Variants in SEL1L observed in about 807,000 individuals in gnomAD.
The protein encoded by SEL1L is SEL1L adaptor subunit of SYVN1 ubiquitin ligase, also known as protein sel-1 homolog 1.
In SEL1L, 52 loss-of-function variants were observed where a neutral mutation model predicts 109.8. The observed-to-expected ratio is 0.47, with a 90% CI of 0.38 to 0.60. The LOEUF (loss-of-function observed/expected upper bound fraction) is 0.60. Among genes scored for constraint, SEL1L ranks in the 20% least tolerant of loss-of-function variants. The pLI, the probability that SEL1L is intolerant of heterozygous loss-of-function variation, is 0.00. For missense variants in SEL1L, 749 were observed against 962.2 expected (o/e 0.78, Z 2.93); for synonymous variants, 373 against 339.6 (o/e 1.10, Z -1.08).
At chr14:81,531,532 A>G (rs1296150563) in intron 1 of SEL1L, among the ~76,000 whole-genome samples, 4 of 152,110 alleles carry the variant, frequency 2.6e-5, no homozygotes, top group Non-Finnish European at 5.9e-5. Context: ...AATTTACACA[A>G]CTTTATTTAA....
intron 3 of SEL1L, among the ~76,000 whole-genome samples, chr14:81,513,492 C>T (rs571947710): frequency 3.9e-5 from 6 of 152,164 alleles, no homozygotes; most frequent in Non-Finnish European, 5.9e-5. Context: ...ACACTCACCG[C>T]GAGAGTCCGT....
At chr14:81,531,866 T>A (rs1012222475) in intron 1 of SEL1L, among the ~76,000 whole-genome samples, 2 of 152,212 alleles carry the variant, frequency 1.3e-5, no homozygotes, top group African/African-American at 4.8e-5. Flanking sequence ...ATGAACTTCA[T>A]GTGAGCACAG....
intron 20 of SEL1L, among the ~76,000 whole-genome samples, chr14:81,478,551 A>G (rs1301234820): frequency 6.6e-6 from 1 of 152,234 alleles, no homozygotes. Flanking sequence ...AAAGAGAAAG[A>G]GGAGGCTGCC....
intron 18 of SEL1L, 128 bp from the exon 19 acceptor site, chr14:81,484,525 G>A: frequency 1.2e-6 from 1 of 854,118 alleles, no homozygotes; most frequent in South Asian, 2.1e-5. Flanking sequence ...CACAAACTTT[G>A]TAACAAATCC....
chr14:81,520,985 G>T (rs1289857758), intron 3 of SEL1L, among the ~76,000 whole-genome samples: 1 of 152,102 alleles, frequency 6.6e-6, no homozygotes, highest in Non-Finnish European at 1.5e-5. Flanking sequence ...CCCGAGAGCA[G>T]CTCTGGCAGT....
intron 6 of SEL1L, 90 bp downstream of exon 6, chr14:81,502,631 T>C: frequency 7.7e-7 from 1 of 1,297,676 alleles, no homozygotes; most frequent in Non-Finnish European, 1.0e-6. Context: ...AGTCTGACTT[T>C]TTAAAAGAAG....
intron 1 of SEL1L, 70 bp from the exon 2 acceptor site, chr14:81,527,808 A>G (rs1885170743): frequency 9.6e-7 from 1 of 1,041,078 alleles, no homozygotes; most frequent in Non-Finnish European, 1.5e-6. Context: ...AAAAGAAAAC[A>G]TGTGAAAAGT....
chr14:81,498,254 A>C (rs1289089915), intron 9 of SEL1L, 159 bp downstream of exon 9: 1 of 823,478 alleles, frequency 1.2e-6, no homozygotes, highest in Non-Finnish European at 1.8e-6. Context: ...GCAAAATTAT[A>C]TAAAGAAAAA....
intron 8 of SEL1L, 108 bp from the exon 9 acceptor site, chr14:81,498,602 C>G (rs914832637): frequency 1.3e-6 from 1 of 753,888 alleles, no homozygotes; most frequent in Admixed American, 2.5e-5. Context: ...TCATTTGATC[C>G]AAGTACACTA....
rs140925190 is a variant in SEL1L at position 81,528,348 on chromosome 14, A to G, written c.71-610T>C. ...CATGGTCCTATCATATATTCACTCA[A>G]TTGAGAGCTATGTAGTAAGAAATCA... On this transcript the variant is annotated intron_variant, in intron 1 of 20. Transcript: ENST00000336735. 2.4e-3 allele frequency among the ~76,000 whole-genome samples: 368 copies of G among 152,294 alleles called. 1 individual carries two copies. Among genetic ancestry groups the G allele is most frequent in the African/African-American group, 8.5e-3 (352 of 41,576 alleles).
chr14:81,501,980 C>T (rs1377499104), intron 6 of SEL1L, among the ~76,000 whole-genome samples: 2 of 150,826 alleles, frequency 1.3e-5, no homozygotes, highest in African/African-American at 2.4e-5. Context: ...CTAATATAGA[C>T]AAAAAAGGCA....
chr14:81,493,839 C>A (rs1356880104), intron 11 of SEL1L, among the ~76,000 whole-genome samples: 2 of 152,232 alleles, frequency 1.3e-5, no homozygotes, highest in African/African-American at 4.8e-5. Flanking sequence ...TCCTTCTCGA[C>A]AGACTCTTAG....
At chr14:81,481,821 A>G (rs1164672028) in intron 19 of SEL1L, among the ~76,000 whole-genome samples, 2 of 152,154 alleles carry the variant, frequency 1.3e-5, no homozygotes. Context: ...TCATGAGGTC[A>G]GGAGTTCAAG....
chr14:81,525,875 A>C (rs1444605606), intron 3 of SEL1L, among the ~76,000 whole-genome samples: 1 of 152,186 alleles, frequency 6.6e-6, no homozygotes, highest in Non-Finnish European at 1.5e-5. Context: ...TTTTCTTAAA[A>C]CTACTGATAC....
chr14:81,508,142 A>G (rs192675153), intron 3 of SEL1L, among the ~76,000 whole-genome samples: 44 of 152,300 alleles, frequency 2.9e-4, no homozygotes, highest in African/African-American at 9.1e-4. Flanking sequence ...TATCCCTTCT[A>G]TCTTTCCAGT....
intron 3 of SEL1L, among the ~76,000 whole-genome samples, chr14:81,526,483 C>T (rs965515419): frequency 6.6e-6 from 1 of 152,144 alleles, no homozygotes; most frequent in Admixed American, 6.5e-5. Flanking sequence ...CAAAAAGAAA[C>T]GTCAGGATAT....
intron 11 of SEL1L, among the ~76,000 whole-genome samples, chr14:81,493,406 A>G (rs773033850): frequency 6.6e-6 from 1 of 152,144 alleles, no homozygotes; most frequent in Non-Finnish European, 1.5e-5. Flanking sequence ...GCTACTCAGG[A>G]GGCTGACGCA....
At chr14:81,502,222 T>C (rs1008293497) in intron 6 of SEL1L, among the ~76,000 whole-genome samples, 2 of 152,196 alleles carry the variant, frequency 1.3e-5, no homozygotes, top group African/African-American at 4.8e-5. Context: ...AAAGATCTAT[T>C]ACAGAAAGAT....
rs1182636755 is a variant in SEL1L at position 81,473,773 on chromosome 14, A to G, written c.*3199T>C. ...ATTAATACACATGCTATACACATAA[A>G]GAATTGTGTTTTTCATTTATAGGCC... On this transcript the variant is annotated 3_prime_UTR_variant, in exon 21 of 21. Coordinates refer to ENST00000336735, the MANE Select transcript of SEL1L (RefSeq NM_005065.6). 1.3e-5 allele frequency: 2 copies of G among 152,202 alleles called. No homozygotes were observed. The highest frequency in any genetic ancestry group is 2.9e-5 in the Non-Finnish European group (2 of 68,020). The allele number at this position is 152,202 out of a possible 1,614,324, so 9.4% of individuals were successfully genotyped here.
Sources: allele counts gnomAD v4.1 joint callset (sites outside exome capture counted in the v4.1 genomes callset), GRCh38; gene constraint gnomAD v4.1.1; transcripts MANE v1.5; gene names NCBI Gene and HGNC (gene_info 2026-07-23, HGNC 2026-07-21).